The following FLT3LG variants were observed in gnomAD, a reference collection of about 807,000 sequenced individuals.
FLT3LG encodes the protein fms-related tyrosine kinase 3 ligand.
A neutral mutation model predicts 30.9 loss-of-function variants in FLT3LG; 8 were observed. The ratio of observed to expected loss-of-function variants is 0.26; its 90% CI spans 0.15 to 0.47. The LOEUF is 0.47. Among genes scored for constraint, FLT3LG ranks in the 20% least tolerant of loss-of-function variants. The probability of loss-of-function intolerance (pLI) is 0.99; values close to 1 mark genes in which losing one functional copy is unlikely to be tolerated. For missense variants in FLT3LG, 278 were observed against 306.2 expected (o/e 0.91, Z 0.69); for synonymous variants, 123 against 135.9 (o/e 0.91, Z 0.66).
At chr19:49,474,452 G>A (rs2079302298) in intron 1 of FLT3LG, 151 bp from the exon 2 acceptor site, 4 of 626,604 alleles carry the variant, frequency 6.4e-6, no homozygotes, top group African/African-American at 1.9e-5. Context: ...AGTTTTCACC[G>A]TAACTGGGGC....
intron 6 of FLT3LG, among the ~76,000 whole-genome samples, chr19:49,479,498 C>CTTTTT (rs1177717575): frequency 1.0e-5 from 1 of 96,042 alleles, no homozygotes; most frequent in Non-Finnish European, 1.9e-5. Context: ...CCCAGCCTAC[C>CTTTTT]TTTTTTTTTT....
chr19:49,474,517 C>G (rs1219919325), intron 1 of FLT3LG, 86 bp from the exon 2 acceptor site: 3 of 818,878 alleles, frequency 3.7e-6, no homozygotes, highest in African/African-American at 5.5e-5. Context: ...ATCAATGGGA[C>G]GCGGGAGGGG....
chr19:49,476,412 C>T lies in FLT3LG; in HGVS notation c.199-11C>T. 1 of 1,609,080 alleles carries T rather than the reference C, an allele frequency of 6.2e-7. No homozygotes were observed. Among genetic ancestry groups the T allele is most frequent in the East Asian group, 2.2e-5 (1 of 44,790 alleles). ...AGCTCCTCCCTCAGACCCGTGGGTT[C>T]TCCCCTCTAGGAGGAGCTCTGCGGG... On this transcript the variant is annotated splice_polypyrimidine_tract_variant and intron_variant, in intron 4 of 8. Transcript: ENST00000597551. This position sits in a 1 kb window ranked among gnomAD's most constrained non-coding sequence, Gnocchi z 5.3.
In FLT3LG at chr19:49,476,830, A is replaced by C; in HGVS notation, c.342+264A>C. ...CCACTGAGGGGTTCTTCCCCCAAAA[A>C]AAAACAGGGAGAGAAGGGGTCTCTA... is the stretch of plus-strand genomic sequence containing the variant. On this transcript the variant is annotated intron_variant, in intron 5 of 8. Coordinates refer to ENST00000597551, the MANE Select transcript of FLT3LG (RefSeq NM_001459.4). The surrounding 1 kb of genome is among the most constrained non-coding windows in gnomAD (Gnocchi z 5.3). 1 of 430,654 alleles carries C rather than the reference A, an allele frequency of 2.3e-6. No individual in the cohort carries two copies. The highest frequency in any genetic ancestry group is 4.2e-6 in the Non-Finnish European group (1 of 238,646). The allele number at this position is 430,654 out of a possible 1,614,324, so 26.7% of individuals were successfully genotyped here.
In FLT3LG at chr19:49,483,048, G is replaced by C. The variant is rs149132580; in HGVS notation, c.*21+2428G>C. Among the ~76,000 whole-genome samples, 13 of 152,204 alleles carry C rather than the reference G, an allele frequency of 8.5e-5. No homozygotes were observed. The East Asian group carries it at 2.5e-3, about 29-fold the overall frequency. ...TGATTAATGAGACATTAATCAGTTG[G>C]AATCATTCATCATTTTGGGATATTT... On this transcript the variant is annotated intron_variant, in intron 8 of 8. Coordinates refer to ENST00000597551, the MANE Select transcript of FLT3LG (RefSeq NM_001459.4).
rs1174529570 is a variant in FLT3LG at position 49,480,121 on chromosome 19, T to G, written c.482-177T>G. Among the ~76,000 whole-genome samples, 7 of 152,298 alleles carry G rather than the reference T, an allele frequency of 4.6e-5. No homozygotes were observed. In the East Asian group the frequency reaches 1.4e-3, roughly 29 times the overall value. ...GCTCAGCCTATTCACTCATTTAATTTGTGACAGTCTGATGAGGTAGGTACA... is the reference window on the plus strand; with the variant it reads ...GCTCAGCCTATTCACTCATTTAATTGGTGACAGTCTGATGAGGTAGGTACA... On this transcript the variant is annotated intron_variant, in intron 6 of 8. Transcript: ENST00000597551.
chr19:49,484,563 C>T (rs2079735988), intron 8 of FLT3LG, among the ~76,000 whole-genome samples: 1 of 151,982 alleles, frequency 6.6e-6, no homozygotes, highest in Non-Finnish European at 1.5e-5. Flanking sequence ...ACGGCACGAT[C>T]TCGGCTCACT....
At chr19:49,482,832 TTGGTCAGGC>T (rs907006084) in intron 8 of FLT3LG, among the ~76,000 whole-genome samples, 23 of 151,930 alleles carry the variant, frequency 1.5e-4, no homozygotes, top group African/African-American at 5.3e-4. Context: ...TTTCACCATG[TTGGTCAGGC>T]TGGTCTCGAA....
At chr19:49,475,857 T>G in intron 3 of FLT3LG, 56 bp downstream of exon 3, 9 of 1,510,354 alleles carry the variant, frequency 6.0e-6, no homozygotes, top group Non-Finnish European at 8.2e-6. Flanking sequence ...CCACTTTTTT[T>G]TTTAAGTAGA....
At position 49,480,624 on chromosome 19, in the gene FLT3LG, AG is replaced by A. The variant is rs1268300252; in HGVS notation, c.*21+5del. 1 of 1,607,788 alleles carries A rather than the reference AG, an allele frequency of 6.2e-7. No homozygotes were observed. Among genetic ancestry groups the A allele is most frequent in the Non-Finnish European group, 8.5e-7 (1 of 1,177,264 alleles). ...ACCTGGCCAAGGCCTCATCCTGGTG[AG>A]TCCTTCCTGGGCTATGGGGCCTGGA... On this transcript the variant is annotated splice_donor_5th_base_variant and intron_variant, in intron 8 of 8. Transcript: ENST00000597551.
chr19:49,476,367 G>T lies in FLT3LG; in HGVS notation c.199-56G>T. 1 of 1,575,292 alleles carries T rather than the reference G, an allele frequency of 6.3e-7. No individual in the cohort carries two copies. Among genetic ancestry groups the T allele is most frequent in the African/African-American group, 1.4e-5 (1 of 73,954 alleles). Reference sequence around the variant, plus strand: ...CCCCGGCCCAGCCCCTCCTCCCTCAGACCCAGCAGCCCCGTGCCCAGCTCC... The same window carrying T: ...CCCCGGCCCAGCCCCTCCTCCCTCATACCCAGCAGCCCCGTGCCCAGCTCC... On this transcript the variant is annotated intron_variant, in intron 4 of 8. Coordinates refer to ENST00000597551, the MANE Select transcript of FLT3LG (RefSeq NM_001459.4). This position sits in a 1 kb window ranked among gnomAD's most constrained non-coding sequence, Gnocchi z 5.3.
Position 49,480,482 on chromosome 19 carries a change from C to A in FLT3LG, c.660+6C>A. 1 of 1,589,488 alleles carries A rather than the reference C, an allele frequency of 6.3e-7. No homozygotes were observed. The highest frequency in any genetic ancestry group is 8.6e-7 in the Non-Finnish European group (1 of 1,168,214). On this transcript the variant is annotated splice_donor_region_variant and intron_variant, in intron 7 of 8. Transcript: ENST00000597551. Reference sequence around the variant, plus strand: ...CACCCCGCCCTGGGGAGCAGGTGAGCAGGCTGGGAAGAGGGGGTGAGGGGG... The same window carrying A: ...CACCCCGCCCTGGGGAGCAGGTGAGAAGGCTGGGAAGAGGGGGTGAGGGGG...
chr19:49,475,153 A>G (rs574571945), intron 2 of FLT3LG, among the ~76,000 whole-genome samples: 1 of 64,622 alleles, frequency 1.5e-5, no homozygotes, highest in Non-Finnish European at 2.8e-5. Context: ...GGAGAGGGAG[A>G]TGAAGAGGAG....
intron 6 of FLT3LG, 76 bp downstream of exon 6, chr19:49,479,123 C>A: frequency 7.8e-7 from 1 of 1,286,504 alleles, no homozygotes; most frequent in East Asian, 2.9e-5. Context: ...CAGTGCATCC[C>A]AGACCCCATC....
At chr19:49,475,241 G>A (rs1352166067) in intron 2 of FLT3LG, among the ~76,000 whole-genome samples, 2 of 127,400 alleles carry the variant, frequency 1.6e-5, no homozygotes, top group Non-Finnish European at 3.4e-5. Flanking sequence ...ACAGAGGAGG[G>A]GGAGATGGAC....
chr19:49,476,347 G>A lies in FLT3LG; in HGVS notation c.199-76G>A. On this transcript the variant is annotated intron_variant, in intron 4 of 8. Transcript: ENST00000597551. This position sits in a 1 kb window ranked among gnomAD's most constrained non-coding sequence, Gnocchi z 5.3. ...TCCTCCCTCAGACCCAGGAGCCCCG[G>A]CCCAGCCCCTCCTCCCTCAGACCCA... 1 of 1,532,800 alleles carries A rather than the reference G, an allele frequency of 6.5e-7. No homozygotes were observed. Among genetic ancestry groups the A allele is most frequent in the Admixed American group, 1.8e-5 (1 of 56,358 alleles). 94.9% of individuals were successfully genotyped at this position (1,532,800 alleles called of 1,614,324 possible). A position where few individuals can be genotyped will look rare whatever the true frequency, so the allele number is the denominator to read the frequency against.
At chr19:49,482,531 G>A (rs1041785701) in intron 8 of FLT3LG, 1 of 152,156 alleles carries the variant, frequency 6.6e-6, no homozygotes, top group Non-Finnish European at 1.5e-5. Flanking sequence ...GGGTTGTTAT[G>A]GGGTGAAGTG....
chr19:49,480,555 C>A lies in FLT3LG; in HGVS notation c.664C>A (p.Pro222Thr). The change falls in exon 8 of 9, where the codon CCC becomes ACC. Residue 222 changes from proline (P) to threonine (T), a missense_variant. Around this residue, in one of 3 missense-constraint regions of FLT3LG, gnomAD observed 170 missense variants for 162.0 expected, o/e 1.05. Transcript: ENST00000597551. ...GCTGACACTTTGGGGCCCACAGGTG[C>A]CCCCCGTCCCCAGTCCCCAGGACCT... ...RRTPRPGEQV[P>T]PVPSPQDLLL... The A allele has an allele frequency of 6.2e-7, 1 of 1,612,700 alleles. No homozygotes were observed. Among genetic ancestry groups the A allele is most frequent in the Non-Finnish European group, 8.5e-7 (1 of 1,179,472 alleles).
intron 8 of FLT3LG, chr19:49,482,357 C>T (rs970750825): frequency 6.6e-6 from 1 of 151,980 alleles, no homozygotes; most frequent in African/African-American, 2.4e-5. Context: ...AACTCCTGAC[C>T]TTAGCTGATC....
Sources: allele counts gnomAD v4.1 joint callset (sites outside exome capture counted in the v4.1 genomes callset), GRCh38; gene constraint gnomAD v4.1.1; regional missense constraint gnomAD v4.1.1; non-coding constraint Gnocchi (gnomAD v3.1); transcripts MANE v1.5; gene names NCBI Gene and HGNC (gene_info 2026-07-23, HGNC 2026-07-21).